TTN: variants seen among roughly 807,000 people sequenced by gnomAD.
TTN encodes titin.
A neutral mutation model predicts 3,223.0 loss-of-function variants in TTN; 1,525 were observed. The ratio of observed to expected loss-of-function variants is 0.47; its 90% CI spans 0.45 to 0.49. The LOEUF is 0.49. TTN is among the 20% of genes least tolerant of loss of function. The probability of loss-of-function intolerance (pLI) is 0.00; values close to 1 mark genes in which losing one functional copy is unlikely to be tolerated. For synonymous variants in TTN, 14,094 were observed against 15,161.0 expected, an observed-to-expected ratio of 0.93 and a Z score of 5.17; for missense variants, 40,786 against 43,424.0, an observed-to-expected ratio of 0.94 and a Z score of 5.40.
In TTN at chr2:178,614,285, G is replaced by A; in HGVS notation, c.49112C>T (p.Thr16371Ile). 6.2e-7 allele frequency: 1 copy of A among 1,612,702 alleles called. No homozygotes were observed. The highest frequency in any genetic ancestry group is 8.5e-7 in the Non-Finnish European group (1 of 1,179,250). Residue 16371 changes from threonine to isoleucine, a missense_variant, in exon 262 of 363, where the codon ACA becomes ATA. By Grantham distance (89) the Thr-to-Ile change is moderately conservative. Transcript: ENST00000589042. Reference protein sequence around the residue: ...TDVTNESCLLTWNPPRDDGGS... With the variant: ...TDVTNESCLLIWNPPRDDGGS... ...ACCATCATCGCGTGGTGGGTTCCAT[G>A]TTAGAAGACATGACTCATTGGTTAC...
chr2:178,719,113 C>T, intron 83 of TTN, 51 bp downstream of exon 83: 2 of 1,562,846 alleles, frequency 1.3e-6, no homozygotes, highest in South Asian at 2.5e-5. Context: ...GGCACCACGT[C>T]CACATGAAAG....
rs777420658 is a variant in TTN at position 178,741,731 on chromosome 2, C to T, written c.11502G>A (p.Gly3834=). 2.5e-6 allele frequency: 4 copies of T among 1,613,548 alleles called. No individual in the cohort carries two copies. The highest frequency in any genetic ancestry group is 1.7e-5 in the Admixed American group (1 of 59,960). Residue 3834 remains glycine, a synonymous_variant, in exon 48 of 363, where the codon GGG becomes GGA. Coordinates refer to ENST00000589042, the MANE Select transcript of TTN (RefSeq NM_001267550.2). The stretch of plus-strand genomic sequence containing the variant: ...CAGTTACAGACAGTGTAGCCACATC[C>T]CCCATGCTTATATCAGCATTTGACA... ...KEVSNADISM[G]DVATLSVTVI...
In TTN at chr2:178,776,878, G is replaced by T; in HGVS notation, c.4986C>A (p.Ile1662=). The change falls in exon 28 of 363, where the codon ATC becomes ATA. Residue 1662 remains isoleucine, a synonymous_variant. Transcript: ENST00000589042. ...AEPEPERKLI[I]PRGTYRAKEI... Reference sequence around the variant, plus strand: ...CCTTTGCTCTATATGTCCCCCGTGGGATGATTAACTTTCTCTCTGGCTCAG... The same window carrying T: ...CCTTTGCTCTATATGTCCCCCGTGGTATGATTAACTTTCTCTCTGGCTCAG... 2 of 1,613,086 alleles carry T rather than the reference G, an allele frequency of 1.2e-6. No homozygotes were observed. The highest frequency in any genetic ancestry group is 1.7e-6 in the Non-Finnish European group (2 of 1,179,648).
intron 223 of TTN, among the ~76,000 whole-genome samples, chr2:178,638,307 A>T (rs934427424): frequency 2.7e-5 from 4 of 150,900 alleles, no homozygotes; most frequent in Non-Finnish European, 4.4e-5. Context: ...AAATAAAAAA[A>T]TTTCTAAATA....
Position 178,739,423 on chromosome 2 carries a change from C to A in TTN, c.13810G>T (p.Asp4604Tyr), listed in dbSNP as rs2082096400. The A allele has an allele frequency of 1.9e-6, 3 of 1,613,656 alleles. No homozygotes were observed. Among genetic ancestry groups the A allele is most frequent in the Admixed American group, 1.7e-5 (1 of 59,966 alleles). Reference sequence around the variant, plus strand: ...AAAGGTGTATGTATCATGGGGCCATCCTCTTTGATTAAGCCACCCTCAGCT... The same window carrying A: ...AAAGGTGTATGTATCATGGGGCCATACTCTTTGATTAAGCCACCCTCAGCT... ...QEAEGGLIKE[D>Y]GPMIHTPLVD... is the part of the protein sequence containing the mutation. The change falls in exon 48 of 363, where the codon GAT becomes TAT. Residue 4604 changes from aspartate to tyrosine, a missense_variant. Asp to Tyr is a radical substitution (Grantham distance 160). Transcript: ENST00000589042.
intron 3 of TTN, among the ~76,000 whole-genome samples, chr2:178,801,345 TAAAC>T (rs891097205): frequency 5.3e-5 from 8 of 152,172 alleles, no homozygotes; most frequent in Admixed American, 2.0e-4. Context: ...TTTTGAGTAA[TAAAC>T]AACAGCAGGT....
rs1243323082 is a variant in TTN, at chr2:178,724,146, G to T, written c.21116-3C>A. 2.5e-6 allele frequency: 4 copies of T among 1,607,402 alleles called. No homozygotes were observed. The highest frequency in any genetic ancestry group is 2.6e-6 in the Non-Finnish European group (3 of 1,176,028). ...GAAAGAGGGAGGAACTGCTCGGTCT[G>T]TGTGAGGAAAGGTAAGAGACTCATC... On this transcript the variant is annotated splice_region_variant and splice_polypyrimidine_tract_variant and intron_variant, in intron 72 of 362. Coordinates refer to ENST00000589042, the MANE Select transcript of TTN (RefSeq NM_001267550.2).
At chr2:178,671,249 A>AG in intron 155 of TTN, 79 bp from the exon 156 acceptor site, 2 of 953,834 alleles carry the variant, frequency 2.1e-6, no homozygotes, top group Non-Finnish European at 3.0e-6. Context: ...TAGTACAATG[A>AG]GGGGTCACAA....
intron 2 of TTN, among the ~76,000 whole-genome samples, chr2:178,802,662 A>T (rs965608859): frequency 6.6e-6 from 1 of 152,224 alleles, no homozygotes; most frequent in Non-Finnish European, 1.5e-5. Context: ...AATTTAATAG[A>T]CAACATTAAA....
In TTN at chr2:178,749,632, A is replaced by AT. The variant is rs2084817146; in HGVS notation, c.11311+3491dup. 2 of 1,612,128 alleles carry AT rather than the reference A, an allele frequency of 1.2e-6. No homozygotes were observed. Among genetic ancestry groups the AT allele is most frequent in the African/African-American group, 1.3e-5 (1 of 74,708 alleles). ...TTTCACCAATATTTTCGAATTGACT[A>AT]TTTTCTCTATAAGTGACAGGCTCCA... On this transcript the variant is annotated intron_variant, in intron 47 of 362. Coordinates refer to ENST00000589042, the MANE Select transcript of TTN (RefSeq NM_001267550.2).
intron 354 of TTN, chr2:178,538,324 A>C: frequency 2.0e-6 from 1 of 507,650 alleles, no homozygotes; most frequent in Non-Finnish European, 3.4e-6. Flanking sequence ...TTACTCAAGG[A>C]AAGTGCTCAG....
In TTN at chr2:178,632,271, C is replaced by T. The variant is rs369434563; in HGVS notation, c.43623G>A (p.Ser14541=). 20 of 1,609,262 alleles carry T rather than the reference C, an allele frequency of 1.2e-5. No homozygotes were observed. The highest frequency in any genetic ancestry group is 1.6e-4 in the Middle Eastern group (1 of 6,072). Residue 14541 remains serine (S), a synonymous_variant, in exon 236 of 363, where the codon TCG becomes TCA. Coordinates refer to ENST00000589042, the MANE Select transcript of TTN (RefSeq NM_001267550.2). ...KNDQRLHTTR[S]VSMQDEGKTH... is the part of the protein sequence containing the mutation. ...TTTTCCCTTCGTCTTGCATTGAGAC[C>T]GACCTGGTGGTGTGTAGGCGCTGGT...
At position 178,542,741 on chromosome 2, in the gene TTN, G is replaced by A. The variant is rs777800211; in HGVS notation, c.97113C>T (p.Ile32371=). The A allele has an allele frequency of 6.2e-7, 1 of 1,613,790 alleles. No individual in the cohort carries two copies. The highest frequency in any genetic ancestry group is 8.5e-7 in the Non-Finnish European group (1 of 1,179,758). ...VAKLTIRETT[I]RDTGEYTLEL... ...CAAGTGTGTATTCTCCAGTATCTCT[G>A]ATAGTGGTTTCACGGATGGTTAATT... The change falls in exon 348 of 363, where the codon ATC becomes ATT. Residue 32371 remains isoleucine, a synonymous_variant. Coordinates refer to ENST00000589042, the MANE Select transcript of TTN (RefSeq NM_001267550.2).
rs546137165 is a variant in TTN, at chr2:178,615,213, A to C, written c.48638+94T>G. ...GATACACCGGCAGCATAGGATTCTC[A>C]ATGAAAAAAGACAAACATTTAAATT... On this transcript the variant is annotated intron_variant, in intron 259 of 362. Coordinates refer to ENST00000589042, the MANE Select transcript of TTN (RefSeq NM_001267550.2). The C allele has an allele frequency of 3.5e-6, 5 of 1,447,918 alleles. No individual in the cohort carries two copies. The African/African-American group carries it at 7.1e-5, about 21-fold the overall frequency. The allele number at this position is 1,447,918 out of a possible 1,614,324, so 89.7% of individuals were successfully genotyped here.
chr2:178,726,231 T>A, intron 69 of TTN, 185 bp from the exon 70 acceptor site: 1 of 589,148 alleles, frequency 1.7e-6, no homozygotes, highest in Non-Finnish European at 2.7e-6. Flanking sequence ...ACCAGCTAGA[T>A]GGGCAGAGAA....
chr2:178,577,416 G>C lies in TTN; in HGVS notation c.68919C>G (p.Gly22973=). The C allele has an allele frequency of 6.2e-7, 1 of 1,612,072 alleles. No individual in the cohort carries two copies. Among genetic ancestry groups the C allele is most frequent in the Non-Finnish European group, 8.5e-7 (1 of 1,179,198 alleles). The change falls in exon 324 of 363, where the codon GGC becomes GGG. Residue 22973 remains glycine, a synonymous_variant. Coordinates refer to ENST00000589042, the MANE Select transcript of TTN (RefSeq NM_001267550.2). ...TIVLNAISIL[G]KPLPKSSWSK... The stretch of plus-strand genomic sequence containing the variant: ...ACCAACTTGATTTTGGAAGGGGTTT[G>C]CCAAGAATGCTAATGGCATTCAAAA...
chr2:178,739,960 C>T lies in TTN; in HGVS notation c.13273G>A (p.Val4425Met). ...FSEWLRNIEK[V>M]EVEAVNITQE... is the part of the protein sequence containing the mutation. ...GTGATGTTTACAGCCTCGACCTCCACCTTTTCAATATTTCTTAGCCACTCA... is the reference window on the plus strand; with the variant it reads ...GTGATGTTTACAGCCTCGACCTCCATCTTTTCAATATTTCTTAGCCACTCA... The change falls in exon 48 of 363, where the codon GTG (valine) becomes ATG (methionine). Residue 4425 changes from valine (V) to methionine (M), a missense_variant. By Grantham distance (21) the Val-to-Met change is conservative (BLOSUM62 1). Transcript: ENST00000589042. 3.1e-6 allele frequency: 5 copies of T among 1,613,886 alleles called. No individual in the cohort carries two copies. Among genetic ancestry groups the T allele is most frequent in the East Asian group, 2.2e-5 (1 of 44,862 alleles).
Position 178,527,668 on chromosome 2 carries a change from A to G in TTN, c.107458T>C (p.Ser35820Pro). ...TSLQGSFSSQ[S>P]VQMSASKQEA... Reference sequence around the variant, plus strand: ...TGCTTGGAGGCAGACATTTGGACTGACTGAGACGAGAAGCTTCCTTGCAAG... The same window carrying G: ...TGCTTGGAGGCAGACATTTGGACTGGCTGAGACGAGAAGCTTCCTTGCAAG... Residue 35820 changes from serine (S) to proline (P), a missense_variant, in exon 362 of 363, where the codon TCA (serine) becomes CCA (proline). Ser to Pro is a moderately conservative substitution (Grantham distance 74, BLOSUM62 -1). Coordinates refer to ENST00000589042, the MANE Select transcript of TTN (RefSeq NM_001267550.2). 6.2e-7 allele frequency: 1 copy of G among 1,613,778 alleles called. No homozygotes were observed. Among genetic ancestry groups the G allele is most frequent in the Non-Finnish European group, 8.5e-7 (1 of 1,179,692 alleles).
Position 178,583,886 on chromosome 2 carries a change from C to A in TTN, c.65296G>T (p.Val21766Phe). Residue 21766 changes from valine (V) to phenylalanine (F), a missense_variant, in exon 312 of 363, where the codon GTT becomes TTT. Coordinates refer to ENST00000589042, the MANE Select transcript of TTN (RefSeq NM_001267550.2). Reference sequence around the variant, plus strand: ...ACAGTACTCTTGGTGACATCAATAACCTCAGGTTTCCCAGGAGGATCTAAA... The same window carrying A: ...ACAGTACTCTTGGTGACATCAATAAACTCAGGTTTCCCAGGAGGATCTAAA... Reference protein sequence around the residue: ...MPVDPPGKPEVIDVTKSTVSL... With the variant: ...MPVDPPGKPEFIDVTKSTVSL... 6.3e-7 allele frequency: 1 copy of A among 1,584,338 alleles called. No homozygotes were observed.
Sources: allele counts gnomAD v4.1 joint callset (sites outside exome capture counted in the v4.1 genomes callset), GRCh38; gene constraint gnomAD v4.1.1; transcripts MANE v1.5; gene names NCBI Gene and HGNC (gene_info 2026-07-23, HGNC 2026-07-21).